Variants in TOM1L1 observed in about 807,000 individuals in gnomAD.
TOM1L1 encodes the protein TOM1-like protein 1.
In TOM1L1, 64 loss-of-function variants were observed where a neutral mutation model predicts 63.4. The ratio of observed to expected loss-of-function variants is 1.01; its 90% CI spans 0.83 to 1.24. The LOEUF is 1.24. Among genes scored for constraint, TOM1L1 ranks in the 50% most tolerant of loss-of-function variants. TOM1L1 has a pLI of 0.00. For synonymous variants in TOM1L1, 166 were observed against 194.4 expected (o/e 0.85, Z 1.22); for missense variants, 536 against 567.0 (o/e 0.95, Z 0.55).
chr17:54,910,261 G>C (rs571182176), intron 3 of TOM1L1, among the ~76,000 whole-genome samples: 2 of 152,298 alleles, frequency 1.3e-5, no homozygotes, highest in South Asian at 4.1e-4. Context: ...TTTGAGACCA[G>C]CCTGGCCAGT....
At chr17:54,948,152 T>A (rs1180453691) in intron 12 of TOM1L1, among the ~76,000 whole-genome samples, 1 of 152,198 alleles carries the variant, frequency 6.6e-6, no homozygotes, top group Non-Finnish European at 1.5e-5. Context: ...CTTCTGCATC[T>A]TAGTCCAAGT....
intron 3 of TOM1L1, among the ~76,000 whole-genome samples, chr17:54,909,936 G>A (rs1275719745): frequency 2.6e-5 from 4 of 152,182 alleles, no homozygotes; most frequent in Admixed American, 6.5e-5. Context: ...TTACTTATCT[G>A]AGTGAGTTGG....
In TOM1L1 at chr17:54,936,716, G is replaced by A. The variant is rs1296727423; in HGVS notation, c.915+7G>A. 1 of 1,600,720 alleles carries A rather than the reference G, an allele frequency of 6.2e-7. No homozygotes were observed. Among genetic ancestry groups the A allele is most frequent in the South Asian group, 1.1e-5 (1 of 88,304 alleles). The stretch of plus-strand genomic sequence containing the variant: ...CCAGAAGGAAGCCACCAATGTAAGT[G>A]ATGAGAAATGTTATAAAATAAACAA... On this transcript the variant is annotated splice_region_variant and intron_variant, in intron 9 of 15. Transcript: ENST00000575882.
At chr17:54,916,762 A>G (rs944550744) in intron 7 of TOM1L1, 11 of 150,988 alleles carry the variant, frequency 7.3e-5, no homozygotes, top group African/African-American at 2.7e-4. Context: ...TTTCCCAACA[A>G]TGTTTCTTAG....
intron 14 of TOM1L1, chr17:54,952,042 C>G (rs2049260900): frequency 6.6e-6 from 1 of 152,262 alleles, no homozygotes; most frequent in East Asian, 1.9e-4. Flanking sequence ...TCTCTAGGCA[C>G]TAAAACTAAA....
At chr17:54,943,760 T>C (rs1489548473) in intron 11 of TOM1L1, among the ~76,000 whole-genome samples, 2 of 151,480 alleles carry the variant, frequency 1.3e-5, no homozygotes, top group Non-Finnish European at 2.9e-5. Context: ...GGGCAGATCA[T>C]GAGATCAGGA....
At chr17:54,960,810 G>C (rs1049923232) in intron 15 of TOM1L1, among the ~76,000 whole-genome samples, 183 bp downstream of exon 15, 1 of 152,142 alleles carries the variant, frequency 6.6e-6, no homozygotes, top group Non-Finnish European at 1.5e-5. Context: ...GTCATTCTTT[G>C]TGATTTTCTC....
intron 5 of TOM1L1, among the ~76,000 whole-genome samples, 172 bp downstream of exon 5, chr17:54,914,045 G>A (rs1269061909): frequency 6.6e-6 from 1 of 152,150 alleles, no homozygotes. Context: ...GCTACTTAAA[G>A]TGTGTTTTGC....
chr17:54,906,669 T>C, intron 3 of TOM1L1: 1 of 684,120 alleles, frequency 1.5e-6, no homozygotes, highest in Non-Finnish European at 1.8e-6. Context: ...GAATGTTCTA[T>C]GTTGGTTTAA....
chr17:54,919,076 T>G (rs941294530), intron 7 of TOM1L1, among the ~76,000 whole-genome samples: 1 of 152,200 alleles, frequency 6.6e-6, no homozygotes, highest in Non-Finnish European at 1.5e-5. Context: ...ATGTATAAAA[T>G]GAAGAGCTTA....
chr17:54,915,944 C>A lies in TOM1L1; in HGVS notation c.720+82C>A, dbSNP rs1415594163. ...ACTTTGAGTTTGGAGATGGAAGACA[C>A]CTTAATATTGTCTAGTACATCCTCC... On this transcript the variant is annotated intron_variant, in intron 7 of 15. Transcript: ENST00000575882. 4.0e-6 allele frequency: 4 copies of A among 998,932 alleles called. No homozygotes were observed. In the African/African-American group the frequency reaches 6.4e-5, roughly 16 times the overall value. The allele number at this position is 998,932 out of a possible 1,614,324, so 61.9% of individuals were successfully genotyped here. A position where few individuals can be genotyped will look rare whatever the true frequency, so the allele number is the denominator to read the frequency against.
intron 7 of TOM1L1, among the ~76,000 whole-genome samples, chr17:54,924,283 CTT>C (rs35210443): frequency 1.0e-4 from 14 of 137,480 alleles, no homozygotes; most frequent in Admixed American, 3.6e-4. Context: ...TTTCTTTTTT[CTT>C]TTTTTTTTTT....
At chr17:54,907,382 C>T (rs747772289) in intron 3 of TOM1L1, among the ~76,000 whole-genome samples, 7 of 152,064 alleles carry the variant, frequency 4.6e-5, no homozygotes, top group East Asian at 3.9e-4. Flanking sequence ...GATTTATTTC[C>T]GAGATGAAAA....
At chr17:54,936,742 T>C (rs372731107) in intron 9 of TOM1L1, 33 bp downstream of exon 9, 11 of 1,572,162 alleles carry the variant, frequency 7.0e-6, no homozygotes, top group African/African-American at 1.4e-5. Context: ...AAATAAACAA[T>C]TGAACATTTT....
chr17:54,936,893 T>C (rs1045264880), intron 9 of TOM1L1, among the ~76,000 whole-genome samples, 184 bp downstream of exon 9: 7 of 152,100 alleles, frequency 4.6e-5, no homozygotes, highest in African/African-American at 1.7e-4. Context: ...GTTAAACTGT[T>C]AATGTAATGT....
At chr17:54,914,172 G>A (rs2048545848) in intron 5 of TOM1L1, among the ~76,000 whole-genome samples, 1 of 152,110 alleles carries the variant, frequency 6.6e-6, no homozygotes, top group South Asian at 2.1e-4. Context: ...CACTGGCCTA[G>A]AGCCTTGAGC....
intron 7 of TOM1L1, 75 bp downstream of exon 7, chr17:54,915,937 G>A (rs776812717): frequency 6.4e-6 from 7 of 1,088,034 alleles, no homozygotes; most frequent in Non-Finnish European, 9.8e-6. Context: ...TTTGGAGATG[G>A]AAGACACCTT....
intron 8 of TOM1L1, among the ~76,000 whole-genome samples, chr17:54,932,272 AG>A (rs1697093668): frequency 6.6e-6 from 1 of 152,090 alleles, no homozygotes. Flanking sequence ...GCAAGCAGGG[AG>A]TATGTGACTA....
At chr17:54,907,922 C>G (rs2048438533) in intron 3 of TOM1L1, among the ~76,000 whole-genome samples, 1 of 152,186 alleles carries the variant, frequency 6.6e-6, no homozygotes. Flanking sequence ...TTAATCCCAC[C>G]TCCATATCTT....
Sources: allele counts gnomAD v4.1 joint callset (sites outside exome capture counted in the v4.1 genomes callset), GRCh38; gene constraint gnomAD v4.1.1; transcripts MANE v1.5; gene names NCBI Gene and HGNC (gene_info 2026-07-23, HGNC 2026-07-21).